Variants in SETD1B observed in about 807,000 individuals in gnomAD.
The protein encoded by SETD1B is SET domain containing 1B, histone lysine methyltransferase.
SETD1B carries 7 observed loss-of-function variants against 148.0 expected under a neutral mutation model. That is an observed-to-expected ratio of 0.05 (90% CI 0.03 to 0.09). The LOEUF is 0.09. Among genes scored for constraint, SETD1B ranks in the 10% least tolerant of loss-of-function variants. The probability of loss-of-function intolerance (pLI) is 1.00; values close to 1 mark genes in which losing one functional copy is unlikely to be tolerated. For synonymous variants in SETD1B, 1,361 were observed against 1,186.5 expected (o/e 1.15, Z -3.02); for missense variants, 2,155 against 2,729.9 (o/e 0.79, Z 4.69).
chr12:121,828,091 G>GGCCCCT (rs1566561475), intron 16 of SETD1B, 21 bp downstream of exon 16: 5 of 1,550,696 alleles, frequency 3.2e-6, no homozygotes, highest in Non-Finnish European at 4.4e-6. Flanking sequence ...AGCGGGGGGT[G>GGCCCCT]GCCCCTGCCC....
intron 6 of SETD1B, among the ~76,000 whole-genome samples, chr12:121,812,271 G>T (rs975030724): frequency 6.6e-6 from 1 of 152,206 alleles, no homozygotes; most frequent in African/African-American, 2.4e-5. Flanking sequence ...GGTGCAGGGG[G>T]GGCTTTTCTT....
intron 13 of SETD1B, among the ~76,000 whole-genome samples, 185 bp from the exon 14 acceptor site, chr12:121,827,334 T>G (rs1876889928): frequency 6.6e-6 from 1 of 151,952 alleles, no homozygotes; most frequent in Non-Finnish European, 1.5e-5. Flanking sequence ...TAGAAGGAGC[T>G]TGAGACGCTC....
At chr12:121,792,000 G>T in the SETD1B span, among the ~76,000 whole-genome samples, 4 of 152,268 alleles carry the variant, frequency 2.6e-5, no homozygotes, top group Admixed American at 6.5e-5. Flanking sequence ...CTCACCAGGG[G>T]CTAGAGACAG....
In SETD1B at chr12:121,808,660, G is replaced by A. The variant is rs796489485; in HGVS notation, c.657+340G>A. On this transcript the variant is annotated intron_variant, in intron 5 of 16. Transcript: ENST00000604567. This position sits in a 1 kb window ranked among gnomAD's most constrained non-coding sequence, Gnocchi z 5.3. Reference sequence around the variant, plus strand: ...GTTGATGCCAAACATTGCTGTTTCCGGGGTCCTTAGTGTCTGGTGTCCTGG... The same window carrying A: ...GTTGATGCCAAACATTGCTGTTTCCAGGGTCCTTAGTGTCTGGTGTCCTGG... 1.1e-4 allele frequency among the ~76,000 whole-genome samples: 17 copies of A among 152,292 alleles called. No homozygotes were observed. Among genetic ancestry groups the A allele is most frequent in the African/African-American group, 3.6e-4 (15 of 41,566 alleles).
chr12:121,796,856 T>C, the SETD1B span, among the ~76,000 whole-genome samples: 4 of 152,032 alleles, frequency 2.6e-5, no homozygotes, highest in African/African-American at 9.7e-5. Context: ...CTGACCAACA[T>C]GGAGAAACCC....
chr12:121,808,409 C>T lies in SETD1B; in HGVS notation c.657+89C>T. ...AGCCTCACCAACTCTCTTATGGGACCCCCAGCCTACCCCCACCTCACTCCA... is the reference window on the plus strand; with the variant it reads ...AGCCTCACCAACTCTCTTATGGGACTCCCAGCCTACCCCCACCTCACTCCA... On this transcript the variant is annotated intron_variant, in intron 5 of 16. Transcript: ENST00000604567. This position sits in a 1 kb window ranked among gnomAD's most constrained non-coding sequence, Gnocchi z 5.3. The T allele has an allele frequency of 1.3e-6, 1 of 765,856 alleles. No homozygotes were observed. The highest frequency in any genetic ancestry group is 2.2e-6 in the Non-Finnish European group (1 of 460,508). The allele number at this position is 765,856 out of a possible 1,614,324, so 47.4% of individuals were successfully genotyped here. A position where few individuals can be genotyped will look rare whatever the true frequency, so the allele number is the denominator to read the frequency against.
rs1566547360 is a variant in SETD1B, at chr12:121,808,193, C to A, written c.545-15C>A. On this transcript the variant is annotated splice_polypyrimidine_tract_variant and intron_variant, in intron 4 of 16. Coordinates refer to ENST00000604567, the MANE Select transcript of SETD1B (RefSeq NM_001353345.2). The surrounding 1 kb of genome is among the most constrained non-coding windows in gnomAD (Gnocchi z 5.3). ...TGGAACCTCACTGAGTTCCCCCTTT[C>A]CTGCCCATCTACAGGGGAAACCCGA... The A allele has an allele frequency of 5.8e-6, 9 of 1,543,016 alleles. No homozygotes were observed. The highest frequency in any genetic ancestry group is 7.9e-6 in the Non-Finnish European group (9 of 1,139,796).
chr12:121,814,019 C>T, intron 6 of SETD1B, 87 bp from the exon 7 acceptor site: 1 of 1,099,398 alleles, frequency 9.1e-7, no homozygotes, highest in Non-Finnish European at 1.3e-6. Context: ...CTGGGAGTGC[C>T]ACTGATTGCT....
intron 11 of SETD1B, among the ~76,000 whole-genome samples, chr12:121,820,525 TTTTTTA>T (rs1335343743): frequency 1.3e-5 from 2 of 152,152 alleles, no homozygotes; most frequent in African/African-American, 2.4e-5. Flanking sequence ...ACCTACCTCT[TTTTTTA>T]TTTTTATTTT....
chr12:121,823,113 C>T lies in SETD1B; in HGVS notation c.4534C>T (p.Pro1512Ser), dbSNP rs2137579245. 3.3e-6 allele frequency: 5 copies of T among 1,531,754 alleles called. No individual in the cohort carries two copies. Among genetic ancestry groups the T allele is most frequent in the Non-Finnish European group, 4.4e-6 (5 of 1,143,292 alleles). 94.9% of individuals were successfully genotyped at this position (1,531,754 alleles called of 1,614,324 possible). Residue 1512 changes from proline (P) to serine (S), a missense_variant, in exon 12 of 17, where the codon CCT becomes TCT. Pro to Ser is a moderately conservative substitution (Grantham distance 74, BLOSUM62 -1). This residue lies in a region of SETD1B where 862 missense variants were observed against 873.8 expected (regional missense o/e 0.99). Coordinates refer to ENST00000604567, the MANE Select transcript of SETD1B (RefSeq NM_001353345.2). ...GCTGCCCGCCCCCCTGGCCTCTTGC[C>T]CTCCCCCAATGAAGAGGAAGCCGGG... is the stretch of plus-strand genomic sequence containing the variant. Reference protein sequence around the residue: ...PLLPAPLASCPPPMKRKPGRP... With the variant: ...PLLPAPLASCSPPMKRKPGRP...
chr12:121,815,400 C>CT (rs1876242200), intron 7 of SETD1B, among the ~76,000 whole-genome samples: 6 of 151,034 alleles, frequency 4.0e-5, no homozygotes, highest in African/African-American at 1.2e-4. Context: ...TGCAGACTGC[C>CT]CCCCCCGCCC....
intron 4 of SETD1B, among the ~76,000 whole-genome samples, chr12:121,807,169 CG>C (rs1009048201): frequency 6.6e-6 from 1 of 152,056 alleles, no homozygotes; most frequent in East Asian, 1.9e-4. Flanking sequence ...AAGCCGGTGC[CG>C]GGGGGTGGTG....
Position 121,831,970 on chromosome 12 carries a change from T to G in SETD1B, c.*1731T>G, listed in dbSNP as rs1877117958. ...CCGCCGGTTTCAAGATCAAGGAAAT[T>G]GGTGGCAACAAGACACAGATGGGGT... On this transcript the variant is annotated 3_prime_UTR_variant, in exon 17 of 17. Transcript: ENST00000604567. 1 of 152,160 alleles carries G rather than the reference T, an allele frequency of 6.6e-6. No homozygotes were observed. Among genetic ancestry groups the G allele is most frequent in the East Asian group, 1.9e-4 (1 of 5,208 alleles). The allele number at this position is 152,160 out of a possible 1,614,324, so 9.4% of individuals were successfully genotyped here. A position where few individuals can be genotyped will look rare whatever the true frequency, so the allele number is the denominator to read the frequency against.
chr12:121,814,729 C>T lies in SETD1B; in HGVS notation c.2514C>T (p.Pro838=), dbSNP rs1235271152. 1.3e-6 allele frequency: 2 copies of T among 1,551,012 alleles called. No homozygotes were observed. Among genetic ancestry groups the T allele is most frequent in the Non-Finnish European group, 1.7e-6 (2 of 1,147,000 alleles). ...GCGGGCAGCACTGGCCACCACTGCC[C>T]AAGTTTGACCCGTCAGTGCCTCCAC... The part of the protein sequence containing the change: ...PGRGQHWPPL[P]KFDPSVPPPG... The change falls in exon 7 of 17, where the codon CCC becomes CCT. Residue 838 remains proline, a synonymous_variant. Transcript: ENST00000604567.
chr12:121,829,129 AG>A (rs1876975459), intron 16 of SETD1B, among the ~76,000 whole-genome samples: 1 of 152,200 alleles, frequency 6.6e-6, no homozygotes, highest in African/African-American at 2.4e-5. Context: ...AGGGTGGCCA[AG>A]CTGAGGAACT....
Position 121,823,533 on chromosome 12 carries a change from G to C in SETD1B, c.4954G>C (p.Asp1652His), listed in dbSNP as rs1169365974. 5 of 1,550,948 alleles carry C rather than the reference G, an allele frequency of 3.2e-6. No individual in the cohort carries two copies. The highest frequency in any genetic ancestry group is 4.4e-6 in the Non-Finnish European group (5 of 1,146,894). Residue 1652 changes from aspartate (D) to histidine (H), a missense_variant, in exon 12 of 17, where the codon GAC (aspartate) becomes CAC (histidine). Physicochemically the swap from Asp to His is moderately conservative, Grantham distance 81. Transcript: ENST00000604567. ...WRRPPKKRHE[D>H]LVPPAGSPEL... ...CCGGCCACCTAAGAAGCGCCATGAG[G>C]ACCTGGTGCCACCTGCGGGCTCGCC...
At chr12:121,820,029 C>G in intron 11 of SETD1B, 134 bp downstream of exon 11, 2 of 752,030 alleles carry the variant, frequency 2.7e-6, no homozygotes, top group Non-Finnish European at 2.1e-6. Context: ...CGAGATCAGC[C>G]GGTTGTGCCT....
the SETD1B span, among the ~76,000 whole-genome samples, chr12:121,791,954 G>A: frequency 1.3e-5 from 2 of 152,214 alleles, no homozygotes; most frequent in Non-Finnish European, 2.9e-5. Flanking sequence ...CCCGGGCCAC[G>A]CCCCGGGAAT....
At chr12:121,815,359 G>C (rs371483616) in intron 7 of SETD1B, among the ~76,000 whole-genome samples, 67 of 152,072 alleles carry the variant, frequency 4.4e-4, no homozygotes, top group African/African-American at 1.5e-3. Context: ...GGGAGCCACA[G>C]GTGCCTAGTG....
Sources: gnomAD v4.1 joint callset for allele counts (sites outside exome capture counted in the v4.1 genomes callset) on GRCh38, gnomAD v4.1.1 for gene constraint, gnomAD v4.1.1 regional missense constraint, Gnocchi (gnomAD v3.1) non-coding constraint, MANE v1.5 for transcripts, NCBI Gene and HGNC (gene_info 2026-07-23, HGNC 2026-07-21) for gene names.